PTPRZ1: variants seen among roughly 807,000 people sequenced by gnomAD.
The protein encoded by PTPRZ1 is receptor-type tyrosine-protein phosphatase zeta.
Under a neutral mutation model 214.1 loss-of-function variants are expected in PTPRZ1, and 82 were observed. The observed-to-expected ratio is 0.38, with a 90% CI of 0.32 to 0.46. PTPRZ1 has a LOEUF of 0.46. PTPRZ1 is among the 20% of genes least tolerant of loss of function. The pLI is 1.00. For missense variants in PTPRZ1, 2,603 were observed against 2,748.7 expected (o/e 0.95, Z 1.19); for synonymous variants, 945 against 987.9 (o/e 0.96, Z 0.81).
intron 2 of PTPRZ1, among the ~76,000 whole-genome samples, chr7:121,948,813 A>G (rs1354210619): frequency 2.0e-5 from 3 of 150,704 alleles, no homozygotes; most frequent in Non-Finnish European, 2.9e-5. Context: ...GAAGAGACTT[A>G]CTCAAGGTTA....
intron 13 of PTPRZ1, among the ~76,000 whole-genome samples, chr7:122,022,251 A>T (rs1270575930): frequency 1.3e-5 from 2 of 152,216 alleles, no homozygotes; most frequent in East Asian, 3.8e-4. Context: ...AAAGTGTTCT[A>T]CTATTTCCAT....
rs73440971 is a variant in PTPRZ1 at position 122,055,188 on chromosome 7, T to A, written c.6528+101T>A. ...TAGAAATGAAAAGCATGATTCTGAT[T>A]TTTTCCCCATTGAGACAAATACACA... On this transcript the variant is annotated intron_variant, in intron 27 of 29. Coordinates refer to ENST00000393386, the MANE Select transcript of PTPRZ1 (RefSeq NM_002851.3). The A allele has an allele frequency of 1.2e-3, 1,242 of 998,512 alleles. 13 individuals are homozygous for A. The African/African-American group carries it at 0.018, about 15-fold the overall frequency. The allele number at this position is 998,512 out of a possible 1,614,324, so 61.9% of individuals were successfully genotyped here.
chr7:121,947,811 A>G (rs1485701572), intron 2 of PTPRZ1, among the ~76,000 whole-genome samples: 1 of 152,148 alleles, frequency 6.6e-6, no homozygotes, highest in Admixed American at 6.5e-5. Context: ...GCATGGTAAC[A>G]TATCATTTTG....
At chr7:122,010,291 C>T in intron 11 of PTPRZ1, 43 bp from the exon 12 acceptor site, 1 of 1,533,060 alleles carries the variant, frequency 6.5e-7, no homozygotes, top group Non-Finnish European at 8.8e-7. Flanking sequence ...TTCTTTTTCT[C>T]TTATTTCCTT....
chr7:121,997,822 G>A (rs377054462), intron 9 of PTPRZ1, 58 bp from the exon 10 acceptor site: 1 of 1,471,924 alleles, frequency 6.8e-7, no homozygotes, highest in Non-Finnish European at 9.2e-7. Flanking sequence ...AAGATACCTA[G>A]TGTGTTGGTA....
intron 1 of PTPRZ1, among the ~76,000 whole-genome samples, chr7:121,887,817 G>A (rs1453853743): frequency 6.6e-6 from 1 of 152,024 alleles, no homozygotes; most frequent in Non-Finnish European, 1.5e-5. Flanking sequence ...TCAAGCCGGG[G>A]TTTTAATGAA....
chr7:121,975,032 G>A (rs988993783), intron 4 of PTPRZ1, among the ~76,000 whole-genome samples: 2 of 151,954 alleles, frequency 1.3e-5, no homozygotes, highest in Non-Finnish European at 2.9e-5. Flanking sequence ...CAAAAAATAA[G>A]AGAAAATAGC....
At position 122,010,422 on chromosome 7, in the gene PTPRZ1, C is replaced by A. The variant is rs200710041; in HGVS notation, c.1376C>A (p.Pro459His). 13 of 1,613,922 alleles carry A rather than the reference C, an allele frequency of 8.1e-6. No homozygotes were observed. In the East Asian group the frequency reaches 2.7e-4, roughly 33 times the overall value. ...ACAAACCAAATCAGGAAAAAGGAAC[C>A]CCAGATTTCTACCACAACACACTAC... is the stretch of plus-strand genomic sequence containing the variant. ...SATNQIRKKE[P>H]QISTTTHYNR... The change falls in exon 12 of 30, where the codon CCC (proline) becomes CAC (histidine). Residue 459 changes from proline to histidine, a missense_variant. Physicochemically the swap from Pro to His is moderately conservative, Grantham distance 77 (BLOSUM62 -2). Coordinates refer to ENST00000393386, the MANE Select transcript of PTPRZ1 (RefSeq NM_002851.3).
chr7:121,989,267 T>A (rs1005889610), intron 8 of PTPRZ1, among the ~76,000 whole-genome samples: 9 of 152,244 alleles, frequency 5.9e-5, no homozygotes, highest in African/African-American at 2.2e-4. Context: ...AAATTAGTTG[T>A]TTCTTTCTTC....
At chr7:122,050,369 G>A (rs1418045507) in intron 23 of PTPRZ1, among the ~76,000 whole-genome samples, 3 of 147,662 alleles carry the variant, frequency 2.0e-5, no homozygotes, top group Admixed American at 6.8e-5. Flanking sequence ...CATGAGCACA[G>A]GAGATTGAAG....
intron 3 of PTPRZ1, among the ~76,000 whole-genome samples, chr7:121,970,956 A>C (rs181063233): frequency 4.3e-4 from 66 of 152,244 alleles, no homozygotes; most frequent in Admixed American, 3.9e-4. Context: ...TTAATATTTA[A>C]TCCATCTTGA....
intron 28 of PTPRZ1, chr7:122,059,379 C>T: frequency 6.1e-6 from 1 of 163,212 alleles, no homozygotes; most frequent in Middle Eastern, 3.1e-3. Flanking sequence ...ATATGCTGAA[C>T]TTATGTTATA....
Position 122,040,881 on chromosome 7 carries a change from C to A in PTPRZ1, c.5703C>A (p.Asp1901Glu). 1 of 1,607,158 alleles carries A rather than the reference C, an allele frequency of 6.2e-7. No individual in the cohort carries two copies. The highest frequency in any genetic ancestry group is 1.1e-5 in the South Asian group (1 of 90,792). ...AGTATCACTACACGCAGTGGCCTGACATGGGAGTACCAGAGTACTCCCTGC... is the reference window on the plus strand; with the variant it reads ...AGTATCACTACACGCAGTGGCCTGAAATGGGAGTACCAGAGTACTCCCTGC... Reference protein sequence around the residue: ...VTQYHYTQWPDMGVPEYSLPV... With the variant: ...VTQYHYTQWPEMGVPEYSLPV... Residue 1901 changes from aspartate to glutamate, a missense_variant, in exon 21 of 30, where the codon GAC (aspartate) becomes GAA (glutamate). Transcript: ENST00000393386.
chr7:121,972,210 T>G (rs150593931), intron 3 of PTPRZ1, among the ~76,000 whole-genome samples: 7 of 152,260 alleles, frequency 4.6e-5, no homozygotes, highest in African/African-American at 1.7e-4. Flanking sequence ...TTGCTCTGTC[T>G]TCTTATTACC....
rs755894288 is a variant in PTPRZ1 at position 122,012,283 on chromosome 7, T to C, written c.3237T>C (p.Asn1079=). 7.4e-6 allele frequency: 12 copies of C among 1,614,180 alleles called. No homozygotes were observed. The South Asian group carries it at 8.8e-5, about 12-fold the overall frequency. The change falls in exon 12 of 30, where the codon AAT becomes AAC. Residue 1079 remains asparagine (N), a synonymous_variant. Coordinates refer to ENST00000393386, the MANE Select transcript of PTPRZ1 (RefSeq NM_002851.3). ...TVMPNMYDNV[N]KLNASLQETS... is the part of the protein sequence containing the mutation. ...TGCCCAACATGTATGATAATGTAAA[T>C]AAGTTGAATGCGTCTTTACAAGAAA...
At chr7:121,959,403 A>G (rs1396698945) in intron 2 of PTPRZ1, among the ~76,000 whole-genome samples, 2 of 152,234 alleles carry the variant, frequency 1.3e-5, no homozygotes, top group Non-Finnish European at 2.9e-5. Context: ...ACGTTGGGCA[A>G]CTGCTTTGCT....
At chr7:121,881,170 C>T (rs1421831689) in intron 1 of PTPRZ1, among the ~76,000 whole-genome samples, 1 of 152,134 alleles carries the variant, frequency 6.6e-6, no homozygotes, top group Non-Finnish European at 1.5e-5. Context: ...AGACCAGAAT[C>T]CTCTCTCTAT....
At chr7:121,964,841 T>C (rs1025009494) in intron 2 of PTPRZ1, among the ~76,000 whole-genome samples, 3 of 152,108 alleles carry the variant, frequency 2.0e-5, no homozygotes, top group Non-Finnish European at 4.4e-5. Flanking sequence ...ATTGCGGGAA[T>C]AGGTGATAGC....
At chr7:121,967,893 G>C in intron 2 of PTPRZ1, 58 bp from the exon 3 acceptor site, 1 of 1,290,202 alleles carries the variant, frequency 7.8e-7, no homozygotes, top group Non-Finnish European at 1.1e-6. Context: ...ATAATGTAAA[G>C]TTTAATTTTT....
Sources: allele counts gnomAD v4.1 joint callset (sites outside exome capture counted in the v4.1 genomes callset), GRCh38; gene constraint gnomAD v4.1.1; transcripts MANE v1.5; gene names NCBI Gene and HGNC (gene_info 2026-07-23, HGNC 2026-07-21).